UTRN: variants seen among roughly 807,000 people sequenced by gnomAD.
The protein encoded by UTRN is utrophin, also known as dystrophin-related protein 1.
Under a neutral mutation model 463.9 loss-of-function variants are expected in UTRN, and 283 were observed. The observed-to-expected ratio is 0.61, with a 90% CI of 0.55 to 0.67. UTRN has a LOEUF of 0.67. Among genes scored for constraint, UTRN ranks in the 30% least tolerant of loss-of-function variants. The probability of loss-of-function intolerance (pLI) is 0.00; values close to 1 mark genes in which losing one functional copy is unlikely to be tolerated. For missense variants in UTRN, 3,922 were observed against 4,084.3 expected (o/e 0.96, Z 1.08); for synonymous variants, 1,442 against 1,431.5 (o/e 1.01, Z -0.17).
chr6:144,842,221 T>C (rs1781648951), intron 73 of UTRN, among the ~76,000 whole-genome samples: 2 of 151,996 alleles, frequency 1.3e-5, no homozygotes, highest in Admixed American at 1.3e-4. Flanking sequence ...GATTATTATT[T>C]ACTGTATAGA....
In UTRN at chr6:144,754,815, T is replaced by C. The variant is rs767904476; in HGVS notation, c.8434+17T>C. 1.9e-6 allele frequency: 3 copies of C among 1,605,642 alleles called. No individual in the cohort carries two copies. Among genetic ancestry groups the C allele is most frequent in the Admixed American group, 3.4e-5 (2 of 58,922 alleles). ...TTCTCTCTAGTAAGTACTAATAAAC[T>C]GGACTGATCGCATTAATTGAATGAA... is the stretch of plus-strand genomic sequence containing the variant. On this transcript the variant is annotated intron_variant, in intron 57 of 74. Transcript: ENST00000367545.
At chr6:144,458,031 G>A (rs1789045154) in intron 19 of UTRN, among the ~76,000 whole-genome samples, 1 of 152,134 alleles carries the variant, frequency 6.6e-6, no homozygotes, top group Non-Finnish European at 1.5e-5. Context: ...TATTATATAT[G>A]ACTTTATTAT....
intron 50 of UTRN, among the ~76,000 whole-genome samples, chr6:144,561,108 G>A (rs565954696): frequency 4.7e-5 from 7 of 149,314 alleles, no homozygotes; most frequent in African/African-American, 1.7e-4. Flanking sequence ...AGTGATTGTT[G>A]AAATGTGTTT....
intron 51 of UTRN, among the ~76,000 whole-genome samples, chr6:144,661,471 C>T (rs999484122): frequency 3.9e-5 from 6 of 152,096 alleles, no homozygotes; most frequent in African/African-American, 9.7e-5. Flanking sequence ...GGGCGGACTT[C>T]GACCTCTCGC....
intron 2 of UTRN, among the ~76,000 whole-genome samples, chr6:144,401,413 T>A (rs1782924402): frequency 6.6e-6 from 1 of 152,204 alleles, no homozygotes; most frequent in African/African-American, 2.4e-5. Context: ...CCCTCTTTGA[T>A]ATGAAGATGG....
intron 51 of UTRN, among the ~76,000 whole-genome samples, chr6:144,675,112 C>T (rs2328596): frequency 0.13 from 19,451 of 152,222 alleles, 1,457 homozygotes; most frequent in Middle Eastern, 0.25. Context: ...CTGGAACTCA[C>T]GGGCTACTGT....
intron 27 of UTRN, among the ~76,000 whole-genome samples, chr6:144,484,293 A>T (rs1792194326): frequency 6.6e-6 from 1 of 152,072 alleles, no homozygotes; most frequent in South Asian, 2.1e-4. Flanking sequence ...AAAAGTTGGG[A>T]AGGCTACATT....
intron 39 of UTRN, 29 bp from the exon 40 acceptor site, chr6:144,521,951 A>ATTTT: frequency 8.3e-7 from 1 of 1,207,076 alleles, no homozygotes; most frequent in Non-Finnish European, 1.1e-6. Flanking sequence ...ATATATATAT[A>ATTTT]TATATTTTTT....
intron 44 of UTRN, 104 bp downstream of exon 44, chr6:144,537,821 C>T (rs1279387248): frequency 1.4e-6 from 2 of 1,460,038 alleles, no homozygotes; most frequent in Non-Finnish European, 1.8e-6. Context: ...AAACTTTGTA[C>T]TTTTTGGTAA....
chr6:144,490,214 G>C lies in UTRN; in HGVS notation c.4263+15G>C, dbSNP rs1357044982. ...ATGTGCTACAGGTAAAGAAGGCCAG[G>C]AGCTTCCTTTTACTTTTCAACTTGT... On this transcript the variant is annotated intron_variant, in intron 31 of 74. Coordinates refer to ENST00000367545, the MANE Select transcript of UTRN (RefSeq NM_007124.3). 5.1e-6 allele frequency: 8 copies of C among 1,581,654 alleles called. No homozygotes were observed. Among genetic ancestry groups the C allele is most frequent in the African/African-American group, 1.4e-5 (1 of 72,678 alleles).
At chr6:144,444,676 G>T (rs1408653351) in intron 14 of UTRN, among the ~76,000 whole-genome samples, 1 of 152,178 alleles carries the variant, frequency 6.6e-6, no homozygotes, top group Non-Finnish European at 1.5e-5. Flanking sequence ...GTGGATTTGT[G>T]TTGGGTGATG....
intron 2 of UTRN, among the ~76,000 whole-genome samples, chr6:144,334,469 A>G: frequency 6.6e-6 from 1 of 151,922 alleles, no homozygotes; most frequent in African/African-American, 2.4e-5. Context: ...AAAGACTCAT[A>G]ATCCGGGCAG....
intron 52 of UTRN, among the ~76,000 whole-genome samples, chr6:144,697,504 A>T (rs907633118): frequency 6.6e-6 from 1 of 152,296 alleles, no homozygotes; most frequent in Non-Finnish European, 1.5e-5. Flanking sequence ...AAACTAGAAC[A>T]CTGAAGGCTG....
intron 2 of UTRN, among the ~76,000 whole-genome samples, chr6:144,342,140 C>G (rs1214401206): frequency 4.6e-5 from 7 of 152,172 alleles, no homozygotes; most frequent in Non-Finnish European, 8.8e-5. Context: ...AGTGAAATGT[C>G]ACTTCATACC....
chr6:144,650,133 G>T (rs1327028482), intron 51 of UTRN, among the ~76,000 whole-genome samples: 1 of 152,186 alleles, frequency 6.6e-6, no homozygotes, highest in Non-Finnish European at 1.5e-5. Context: ...TTGTGCAGAA[G>T]AACTCCCCTT....
At chr6:144,396,949 C>T (rs1277167363) in intron 2 of UTRN, among the ~76,000 whole-genome samples, 1 of 152,040 alleles carries the variant, frequency 6.6e-6, no homozygotes, top group Non-Finnish European at 1.5e-5. Context: ...TCAGCTGGAA[C>T]AAATATGTTC....
chr6:144,839,115 T>C, intron 71 of UTRN, 58 bp from the exon 72 acceptor site: 1 of 1,374,096 alleles, frequency 7.3e-7, no homozygotes, highest in Non-Finnish European at 1.0e-6. Context: ...AAAGGAAATG[T>C]TTTTCCTTAT....
chr6:144,621,288 G>C (rs1364834702), intron 51 of UTRN, among the ~76,000 whole-genome samples: 1 of 152,186 alleles, frequency 6.6e-6, no homozygotes, highest in Non-Finnish European at 1.5e-5. Context: ...GAGAACGATA[G>C]TTGTTTTATT....
chr6:144,320,765 G>A (rs1247156268), intron 2 of UTRN, among the ~76,000 whole-genome samples: 1 of 152,178 alleles, frequency 6.6e-6, no homozygotes, highest in Non-Finnish European at 1.5e-5. Flanking sequence ...CCTTTCAGTC[G>A]TGGTCTGAGC....
Sources: gnomAD v4.1 joint callset for allele counts (sites outside exome capture counted in the v4.1 genomes callset) on GRCh38, gnomAD v4.1.1 for gene constraint, MANE v1.5 for transcripts, NCBI Gene and HGNC (gene_info 2026-07-23, HGNC 2026-07-21) for gene names.